The following FAT3 variants were observed in gnomAD, a reference collection of about 807,000 sequenced individuals.
FAT3 encodes FAT atypical cadherin 3.
Under a neutral mutation model 310.2 loss-of-function variants are expected in FAT3, and 95 were observed. The ratio of observed to expected loss-of-function variants is 0.31; its 90% CI spans 0.26 to 0.36. The LOEUF is 0.36. FAT3 is among the 10% of genes least tolerant of loss of function. FAT3 has a pLI of 1.00. For missense variants in FAT3, 5,408 were observed against 5,715.6 expected (o/e 0.95, Z 1.74); for synonymous variants, 2,314 against 2,192.9 (o/e 1.06, Z -1.54).
At chr11:92,389,719 A>G (rs1949705448) in intron 2 of FAT3, among the ~76,000 whole-genome samples, 1 of 152,158 alleles carries the variant, frequency 6.6e-6, no homozygotes, top group African/African-American at 2.4e-5. Context: ...TTTTCCTTTT[A>G]CTGATAATAA....
intron 9 of FAT3, among the ~76,000 whole-genome samples, chr11:92,795,712 A>G (rs1280716594): frequency 6.6e-6 from 1 of 152,022 alleles, no homozygotes; most frequent in Non-Finnish European, 1.5e-5. Context: ...GAAGTCTGAG[A>G]CCAGCCTGAC....
chr11:92,866,796 T>C lies in FAT3; in HGVS notation c.11714T>C (p.Leu3905Ser), dbSNP rs746169369. 3.1e-6 allele frequency: 5 copies of C among 1,613,908 alleles called. No homozygotes were observed. In the East Asian group the frequency reaches 1.1e-4, roughly 36 times the overall value. The change falls in exon 22 of 28, where the codon TTG becomes TCG. Residue 3905 changes from leucine to serine, a missense_variant. Physicochemically the swap from Leu to Ser is moderately radical, Grantham distance 145. Around this residue, in one of 5 missense-constraint regions of FAT3, gnomAD observed 4,588 missense variants for 4,809.8 expected, o/e 0.95. Coordinates refer to ENST00000525166, the MANE Select transcript of FAT3 (RefSeq NM_001367949.2). Reference sequence around the variant, plus strand: ...GACTGCGGCAGCGGCCCTGGAATCTTGGGCATCTCGGGCCGTGCTGTCAAC... The same window carrying C: ...GACTGCGGCAGCGGCCCTGGAATCTCGGGCATCTCGGGCCGTGCTGTCAAC... ...QLDCGSGPGI[L>S]GISGRAVNDG...
intron 2 of FAT3, among the ~76,000 whole-genome samples, chr11:92,374,223 C>T (rs1429014480): frequency 6.6e-6 from 1 of 152,146 alleles, no homozygotes; most frequent in Admixed American, 6.5e-5. Context: ...TGCTTTTTCA[C>T]CTATCTGGGT....
chr11:92,525,897 C>T (rs192094525), intron 3 of FAT3, among the ~76,000 whole-genome samples: 2 of 152,078 alleles, frequency 1.3e-5, no homozygotes, highest in Admixed American at 1.3e-4. Context: ...TGTAGCTGAC[C>T]TCAAGTATTT....
At chr11:92,392,172 G>A (rs1245192715) in intron 2 of FAT3, among the ~76,000 whole-genome samples, 1 of 152,040 alleles carries the variant, frequency 6.6e-6, no homozygotes, top group African/African-American at 2.4e-5. Context: ...ACGCACACAC[G>A]TTATATTCCA....
At chr11:92,802,609 G>A (rs755035757) in intron 10 of FAT3, among the ~76,000 whole-genome samples, 4 of 152,122 alleles carry the variant, frequency 2.6e-5, no homozygotes, top group Non-Finnish European at 5.9e-5. Flanking sequence ...GGGGGCAGGC[G>A]ACCTTTAACT....
intron 3 of FAT3, among the ~76,000 whole-genome samples, chr11:92,566,260 A>G (rs1306105399): frequency 6.6e-6 from 1 of 152,212 alleles, no homozygotes; most frequent in Non-Finnish European, 1.5e-5. Context: ...ACAGAGAGCT[A>G]AATCATGAGT....
At chr11:92,441,793 A>C (rs973560591) in intron 2 of FAT3, among the ~76,000 whole-genome samples, 4 of 152,194 alleles carry the variant, frequency 2.6e-5, no homozygotes, top group Non-Finnish European at 5.9e-5. Context: ...TAACAACCTG[A>C]ATTAATTCTA....
In FAT3 at chr11:92,882,968, T is replaced by C. The variant is rs756982143; in HGVS notation, c.12512T>C (p.Leu4171Pro). 1 of 1,613,908 alleles carries C rather than the reference T, an allele frequency of 6.2e-7. No individual in the cohort carries two copies. Among genetic ancestry groups the C allele is most frequent in the Non-Finnish European group, 8.5e-7 (1 of 1,179,858 alleles). ...TTCGTCATCTTCATCCTGGTGGTTC[T>C]CTTCATAGTCTTCCGCAAGAAGGTC... is the stretch of plus-strand genomic sequence containing the variant. ...VLFVIFILVVLFIVFRKKVFR... is the reference protein window; with the variant it reads ...VLFVIFILVVPFIVFRKKVFR... Residue 4171 changes from leucine (L) to proline (P), a missense_variant, in exon 24 of 28, where the codon CTC (leucine) becomes CCC (proline). Transcript: ENST00000525166.
intron 3 of FAT3, among the ~76,000 whole-genome samples, chr11:92,607,184 T>C (rs925784230): frequency 6.6e-6 from 1 of 152,178 alleles, no homozygotes; most frequent in South Asian, 2.1e-4. Flanking sequence ...GGTTTGAAAT[T>C]TTCATTGGTG....
At chr11:92,330,993 TGTGTGTGTGTGAGAGAGAGA>T (rs1395639838) in intron 1 of FAT3, among the ~76,000 whole-genome samples, 3 of 125,362 alleles carry the variant, frequency 2.4e-5, no homozygotes, top group African/African-American at 1.3e-4. Flanking sequence ...TGTGTGTGTG[TGTGTGTGTGTGAGAGAGAGA>T]GAGAGAGAAA....
intron 21 of FAT3, among the ~76,000 whole-genome samples, chr11:92,859,786 C>A (rs1184217417): frequency 6.6e-6 from 1 of 152,096 alleles, no homozygotes; most frequent in Admixed American, 6.5e-5. Flanking sequence ...CCCAAGTAGC[C>A]CAATTTTTCA....
chr11:92,581,361 T>C (rs554533461), intron 3 of FAT3, among the ~76,000 whole-genome samples: 1 of 151,676 alleles, frequency 6.6e-6, no homozygotes, highest in African/African-American at 2.4e-5. Context: ...TTCTTACTCT[T>C]GAGGACAACA....
chr11:92,864,065 C>T (rs565786410), intron 21 of FAT3, among the ~76,000 whole-genome samples: 1 of 152,176 alleles, frequency 6.6e-6, no homozygotes, highest in African/African-American at 2.4e-5. Context: ...AAAAAGCAAG[C>T]TTAACCGTGC....
chr11:92,487,139 G>T (rs1952436631), intron 2 of FAT3, among the ~76,000 whole-genome samples: 1 of 152,138 alleles, frequency 6.6e-6, no homozygotes, highest in Non-Finnish European at 1.5e-5. Context: ...TGAGGGTGTT[G>T]CTGTAGCTTG....
chr11:92,668,812 A>C (rs575845985), intron 3 of FAT3, among the ~76,000 whole-genome samples: 2 of 152,336 alleles, frequency 1.3e-5, no homozygotes, highest in African/African-American at 4.8e-5. Context: ...ATAACTTCTG[A>C]GCACCTTCTA....
rs375535923 is a variant in FAT3 at position 92,832,616 on chromosome 11, T to C, written c.9871+605T>C. On this transcript the variant is annotated intron_variant, in intron 14 of 27. Coordinates refer to ENST00000525166, the MANE Select transcript of FAT3 (RefSeq NM_001367949.2). ...AGGTGGGAGGGCTCAGGGGCAGCAA[T>C]GTGGTTTCTCAATGGAGAGAGGAAA... 5.3e-5 allele frequency among the ~76,000 whole-genome samples: 8 copies of C among 152,246 alleles called. No homozygotes were observed. In the South Asian group the frequency reaches 1.7e-3, roughly 32 times the overall value.
chr11:92,553,675 CCCTTCCTTCCTT>C (rs55981814), intron 3 of FAT3, among the ~76,000 whole-genome samples: 11,495 of 108,258 alleles, frequency 0.11, 594 homozygotes, highest in South Asian at 0.28. Context: ...GAATCTCCGT[CCCTTCCTTCCTT>C]CCTTCCTTCC....
chr11:92,358,272 C>T (rs1158389584), intron 2 of FAT3, among the ~76,000 whole-genome samples: 1 of 152,170 alleles, frequency 6.6e-6, no homozygotes, highest in South Asian at 2.1e-4. Flanking sequence ...TTAAAAACCT[C>T]TTTCCTATAA....
Sources: gnomAD v4.1 joint callset for allele counts (sites outside exome capture counted in the v4.1 genomes callset) on GRCh38, gnomAD v4.1.1 for gene constraint, gnomAD v4.1.1 regional missense constraint, MANE v1.5 for transcripts, NCBI Gene and HGNC (gene_info 2026-07-23, HGNC 2026-07-21) for gene names.